The following PLEKHB2 variants were observed in gnomAD, a reference collection of about 807,000 sequenced individuals.
PLEKHB2 encodes the protein pleckstrin homology domain containing B2, also known as pleckstrin homology domain-containing family B member 2.
In PLEKHB2, 31 loss-of-function variants were observed where a neutral mutation model predicts 36.5. The ratio of observed to expected loss-of-function variants is 0.85; its 90% CI spans 0.64 to 1.15. The LOEUF is 1.15. Ranked by LOEUF, PLEKHB2 falls within the 50% of genes most tolerant of loss-of-function variation. The pLI is 0.00. For synonymous variants in PLEKHB2, 119 were observed against 112.0 expected, an observed-to-expected ratio of 1.06 and a Z score of -0.39; for missense variants, 262 against 295.3, an observed-to-expected ratio of 0.89 and a Z score of 0.83.
intron 6 of PLEKHB2, among the ~76,000 whole-genome samples, chr2:131,136,634 C>G (rs976686863): frequency 2.0e-5 from 3 of 151,570 alleles, no homozygotes; most frequent in African/African-American, 4.9e-5. Context: ...GTGTATGATT[C>G]TTTTTATTTA....
intron 6 of PLEKHB2, among the ~76,000 whole-genome samples, chr2:131,136,085 A>G (rs1438234413): frequency 6.6e-6 from 1 of 151,428 alleles, no homozygotes; most frequent in Non-Finnish European, 1.5e-5. Context: ...CAGGTTTAGA[A>G]ATTCCCTTTT....
chr2:131,141,820 C>G (rs1698817800), intron 7 of PLEKHB2, among the ~76,000 whole-genome samples: 1 of 152,134 alleles, frequency 6.6e-6, no homozygotes, highest in Non-Finnish European at 1.5e-5. Context: ...TTATGGTAGA[C>G]TAATTGGTAT....
At chr2:131,125,588 G>A (rs924662441) in intron 2 of PLEKHB2, among the ~76,000 whole-genome samples, 165 bp from the exon 3 acceptor site, 3 of 152,048 alleles carry the variant, frequency 2.0e-5, no homozygotes, top group Admixed American at 2.0e-4. Flanking sequence ...GCCTGTAGTC[G>A]CAGCTAAACG....
intron 1 of PLEKHB2, among the ~76,000 whole-genome samples, chr2:131,114,212 G>C (rs141923811): frequency 0.027 from 4,062 of 152,188 alleles, 178 homozygotes; most frequent in African/African-American, 0.092. Context: ...TGCAAGCTCC[G>C]CCTCCTGGGT....
At chr2:131,110,317 GTTTT>G (rs781526594) in intron 1 of PLEKHB2, among the ~76,000 whole-genome samples, 1 of 129,446 alleles carries the variant, frequency 7.7e-6, no homozygotes. Context: ...AGTCTGGACT[GTTTT>G]TTTTTTTTTT....
At chr2:131,108,995 A>G (rs1695012690) in intron 1 of PLEKHB2, among the ~76,000 whole-genome samples, 1 of 152,090 alleles carries the variant, frequency 6.6e-6, no homozygotes, top group Non-Finnish European at 1.5e-5. Context: ...AGGTCTTTTA[A>G]CTCTAAAGCT....
intron 1 of PLEKHB2, among the ~76,000 whole-genome samples, chr2:131,119,460 T>C (rs934407286): frequency 4.6e-5 from 7 of 152,324 alleles, no homozygotes; most frequent in Admixed American, 2.6e-4. Context: ...TGATCTGTCC[T>C]GTGTGGAGGT....
intron 7 of PLEKHB2, among the ~76,000 whole-genome samples, chr2:131,144,108 C>T (rs1317697676): frequency 6.6e-6 from 1 of 152,166 alleles, no homozygotes; most frequent in Non-Finnish European, 1.5e-5. Flanking sequence ...TGTTGACAAC[C>T]AGATGGGTGC....
chr2:131,142,439 G>A (rs889348995), intron 7 of PLEKHB2, among the ~76,000 whole-genome samples: 2 of 151,236 alleles, frequency 1.3e-5, no homozygotes, highest in Non-Finnish European at 2.9e-5. Context: ...ATTGGGTGAT[G>A]TATTATTAAA....
chr2:131,149,486 TG>T lies in PLEKHB2; in HGVS notation c.*2714del. 3 of 152,354 alleles carry T rather than the reference TG, an allele frequency of 2.0e-5. No individual in the cohort carries two copies. The South Asian group carries it at 6.2e-4, about 32-fold the overall frequency. 9.4% of individuals were successfully genotyped at this position (152,354 alleles called of 1,614,324 possible). ...CTTGGATACTAAAGAGAAGGAGAAC[TG>T]TGGTTAATGTTTTGGATCATCATTT... On this transcript the variant is annotated 3_prime_UTR_variant, in exon 8 of 8. Transcript: ENST00000693505.
intron 7 of PLEKHB2, among the ~76,000 whole-genome samples, chr2:131,143,270 T>G (rs1444720203): frequency 2.0e-5 from 3 of 152,240 alleles, no homozygotes; most frequent in African/African-American, 7.2e-5. Context: ...AGCATCTCTG[T>G]TAACATGTCA....
chr2:131,130,825 G>A, intron 5 of PLEKHB2, 65 bp downstream of exon 5: 5 of 1,155,886 alleles, frequency 4.3e-6, no homozygotes, highest in South Asian at 1.2e-5. Flanking sequence ...CTCTCACTCA[G>A]GCTTGAGTGC....
In PLEKHB2 at chr2:131,148,816, T is replaced by C. The variant is rs939629194; in HGVS notation, c.*2043T>C. 3.3e-5 allele frequency: 5 copies of C among 152,246 alleles called. No individual in the cohort carries two copies. The highest frequency in any genetic ancestry group is 1.2e-4 in the African/African-American group (5 of 41,456). 9.4% of individuals were successfully genotyped at this position (152,246 alleles called of 1,614,324 possible). On this transcript the variant is annotated 3_prime_UTR_variant, in exon 8 of 8. Transcript: ENST00000693505. ...GTTGCTTTGAGGATTTTCCATCCTG[T>C]ATAAGAAGAATGGCTTTCTTCAGAT...
At chr2:131,118,165 G>GCCCCCA (rs1255635162) in intron 1 of PLEKHB2, among the ~76,000 whole-genome samples, 5 of 152,152 alleles carry the variant, frequency 3.3e-5, no homozygotes, top group Non-Finnish European at 7.3e-5. Context: ...GTCAGAAGGT[G>GCCCCCA]GCTGCCAGCA....
At chr2:131,141,631 C>A (rs976369602) in intron 7 of PLEKHB2, among the ~76,000 whole-genome samples, 4 of 140,360 alleles carry the variant, frequency 2.8e-5, no homozygotes, top group African/African-American at 1.1e-4. Flanking sequence ...CAGAACGAGA[C>A]TCCGTCTCAA....
rs1369858464 is a variant in PLEKHB2, at chr2:131,148,079, G to C, written c.*1306G>C. The C allele has an allele frequency of 6.6e-6, 1 of 152,444 alleles. No individual in the cohort carries two copies. The highest frequency in any genetic ancestry group is 2.4e-5 in the African/African-American group (1 of 41,438). The allele number at this position is 152,444 out of a possible 1,614,324, so 9.4% of individuals were successfully genotyped here. A position where few individuals can be genotyped will look rare whatever the true frequency, so the allele number is the denominator to read the frequency against. ...CCATCCTGTGCAGAAGTGGGACTCT[G>C]TGGCTGTTCACTGAGCACCAGGGCA... On this transcript the variant is annotated 3_prime_UTR_variant, in exon 8 of 8. Transcript: ENST00000693505.
intron 1 of PLEKHB2, among the ~76,000 whole-genome samples, chr2:131,106,434 AC>A (rs1186955270): frequency 6.6e-6 from 1 of 152,118 alleles, no homozygotes; most frequent in Non-Finnish European, 1.5e-5. Context: ...AGGAATTAGG[AC>A]CCGAGCTGGC....
chr2:131,112,500 A>G (rs1035399272), intron 1 of PLEKHB2, among the ~76,000 whole-genome samples: 1 of 152,226 alleles, frequency 6.6e-6, no homozygotes, highest in East Asian at 1.9e-4. Context: ...ATTACTATAA[A>G]TAGAGAGTTT....
chr2:131,128,192 T>C (rs971836146), intron 4 of PLEKHB2, among the ~76,000 whole-genome samples: 1 of 152,298 alleles, frequency 6.6e-6, no homozygotes, highest in African/African-American at 2.4e-5. Context: ...AACTACCAGT[T>C]GATACCAGAT....
Sources: allele counts gnomAD v4.1 joint callset (sites outside exome capture counted in the v4.1 genomes callset), GRCh38; gene constraint gnomAD v4.1.1; transcripts MANE v1.5; gene names NCBI Gene and HGNC (gene_info 2026-07-23, HGNC 2026-07-21).